The following ITGB1 variants were observed in gnomAD, a reference collection of about 807,000 sequenced individuals.
The protein encoded by ITGB1 is integrin subunit beta 1.
A neutral mutation model predicts 86.5 loss-of-function variants in ITGB1; 24 were observed. The observed-to-expected ratio is 0.28, with a 90% confidence interval of 0.20 to 0.39. The LOEUF is 0.39. Among genes scored for constraint, ITGB1 ranks in the 10% least tolerant of loss-of-function variants. ITGB1 has a pLI of 1.00. For missense variants in ITGB1, 556 were observed against 946.9 expected, an observed-to-expected ratio of 0.59 and a Z score of 5.42; for synonymous variants, 323 against 316.8, an observed-to-expected ratio of 1.02 and a Z score of -0.21.
At chr10:32,918,704 C>T (rs998804353) in intron 11 of ITGB1, among the ~76,000 whole-genome samples, 2 of 152,032 alleles carry the variant, frequency 1.3e-5, no homozygotes, top group Admixed American at 6.6e-5. Flanking sequence ...TTAAAGAGCA[C>T]GTTAGTTACA....
Position 32,928,742 on chromosome 10 carries a change from A to ATTATTAT in ITGB1, c.377-485_377-479dup, listed in dbSNP as rs992021441. 2.7e-5 allele frequency among the ~76,000 whole-genome samples: 4 copies of ATTATTAT among 150,626 alleles called. 1 individual carries two copies. In the South Asian group the frequency reaches 8.3e-4, roughly 31 times the overall value. The stretch of plus-strand genomic sequence containing the variant: ...CAGCTTTAAAAATAATTATTTATTT[A>ATTATTAT]TTATTATTTATTATTTATTATTTTA... On this transcript the variant is annotated intron_variant, in intron 4 of 15. Coordinates refer to ENST00000302278, the MANE Select transcript of ITGB1 (RefSeq NM_002211.4).
intron 15 of ITGB1, among the ~76,000 whole-genome samples, chr10:32,907,633 C>T (rs1156976842): frequency 6.6e-6 from 1 of 152,068 alleles, no homozygotes; most frequent in East Asian, 1.9e-4. Flanking sequence ...TCAACACTTT[C>T]CCCCATTCCA....
intron 1 of ITGB1, chr10:32,951,803 T>C (rs528198508): frequency 6.6e-6 from 1 of 152,332 alleles, no homozygotes; most frequent in African/African-American, 2.4e-5. Context: ...TTGAGAAAGT[T>C]TACTTTGGGG....
chr10:32,919,520 C>T (rs1244249549), intron 11 of ITGB1, among the ~76,000 whole-genome samples: 2 of 152,280 alleles, frequency 1.3e-5, no homozygotes, highest in East Asian at 3.9e-4. Flanking sequence ...TCGCCATCAT[C>T]GGTTTGATGT....
At position 32,908,994 on chromosome 10, in the gene ITGB1, C is replaced by T. The variant is rs531687577; in HGVS notation, c.2165-460G>A. On this transcript the variant is annotated intron_variant, in intron 14 of 15. Coordinates refer to ENST00000302278, the MANE Select transcript of ITGB1 (RefSeq NM_002211.4). ...GATCTATAAACTCAATGGTATCCCA[C>T]TCAAACTCCTGGCAGAACTTCTGTA... Among the ~76,000 whole-genome samples the T allele has an allele frequency of 1.6e-4, 24 of 152,304 alleles. 1 individual carries two copies. In the South Asian group the frequency reaches 5.0e-3, roughly 32 times the overall value.
chr10:32,944,922 C>G (rs1168664180), intron 1 of ITGB1: 1 of 1,330,620 alleles, frequency 7.5e-7, no homozygotes, highest in South Asian at 1.2e-5. Context: ...GAAGCCCAAA[C>G]AAAGCCAGTC....
chr10:32,938,233 G>A (rs1009376920), intron 1 of ITGB1, among the ~76,000 whole-genome samples: 5 of 152,166 alleles, frequency 3.3e-5, no homozygotes, highest in East Asian at 3.8e-4. Flanking sequence ...ATGTTATCAC[G>A]ATTCCAAAGC....
chr10:32,910,822 T>C (rs797022249), intron 13 of ITGB1, among the ~76,000 whole-genome samples: 5 of 152,256 alleles, frequency 3.3e-5, no homozygotes, highest in African/African-American at 1.2e-4. Context: ...CTTGGCTCAC[T>C]GTAACCTCTG....
chr10:32,910,930 G>A (rs1032938603), intron 13 of ITGB1, among the ~76,000 whole-genome samples: 1 of 151,872 alleles, frequency 6.6e-6, no homozygotes, highest in Admixed American at 6.6e-5. Context: ...GTAGAGATGG[G>A]GTTTCACCAC....
At chr10:32,926,226 A>T (rs2094964046) in intron 5 of ITGB1, 117 bp from the exon 6 acceptor site, 2 of 761,948 alleles carry the variant, frequency 2.6e-6, no homozygotes, top group Non-Finnish European at 4.3e-6. Flanking sequence ...TATGGACTGA[A>T]TGTCTGTGTT....
chr10:32,946,725 C>A (rs1454929156), intron 1 of ITGB1, among the ~76,000 whole-genome samples: 3 of 113,136 alleles, frequency 2.7e-5, no homozygotes, highest in Admixed American at 1.4e-4. Flanking sequence ...ACACAAGTGC[C>A]AATAAGTGGT....
intron 1 of ITGB1, among the ~76,000 whole-genome samples, chr10:32,941,759 G>A (rs1165244232): frequency 4.6e-5 from 7 of 152,118 alleles, no homozygotes; most frequent in Non-Finnish European, 8.8e-5. Flanking sequence ...ACAAGAAGAC[G>A]AACAAACAAT....
At position 32,920,281 on chromosome 10, in the gene ITGB1, A is replaced by G; in HGVS notation, c.1233T>C (p.Asn411=). ...CKNGVNGTGE[N]GRKCSNISIG... ...TGGAAATATTGGAACATTTTCTTCC[A>G]TTTTCCCCTGTTCCATTCACCCCGT... Residue 411 remains asparagine (N), a synonymous_variant, in exon 10 of 16, where the codon AAT becomes AAC. Coordinates refer to ENST00000302278, the MANE Select transcript of ITGB1 (RefSeq NM_002211.4). The G allele has an allele frequency of 6.2e-7, 1 of 1,613,566 alleles. No individual in the cohort carries two copies. The highest frequency in any genetic ancestry group is 1.1e-5 in the South Asian group (1 of 91,056).
intron 15 of ITGB1, among the ~76,000 whole-genome samples, chr10:32,907,577 C>T (rs1330849820): frequency 6.6e-6 from 1 of 152,098 alleles, no homozygotes; most frequent in Admixed American, 6.5e-5. Flanking sequence ...TAAATCCACC[C>T]ACAATCAAGA....
chr10:32,903,898 T>A (rs2094889261), intron 15 of ITGB1, among the ~76,000 whole-genome samples: 1 of 151,956 alleles, frequency 6.6e-6, no homozygotes, highest in Admixed American at 6.6e-5. Flanking sequence ...TGCTACACAT[T>A]CCTTCAAATA....
chr10:32,914,681 T>C (rs751093158), intron 11 of ITGB1, among the ~76,000 whole-genome samples: 37 of 152,198 alleles, frequency 2.4e-4, no homozygotes, highest in Admixed American at 5.2e-4. Context: ...CTGAGAGACC[T>C]AGAAAGAGAC....
intron 11 of ITGB1, 90 bp from the exon 12 acceptor site, chr10:32,912,214 A>G: frequency 9.9e-7 from 1 of 1,005,350 alleles, no homozygotes; most frequent in Non-Finnish European, 1.5e-6. Flanking sequence ...TCTAGTCTAC[A>G]GCTCCCAGCG....
At chr10:32,933,456 T>C (rs1362992215) in intron 2 of ITGB1, 5 of 152,220 alleles carry the variant, frequency 3.3e-5, no homozygotes, top group Non-Finnish European at 7.3e-5. Flanking sequence ...ATGTTCAAAG[T>C]ATGTTTTAGG....
chr10:32,914,516 T>C (rs2094925390), intron 11 of ITGB1, among the ~76,000 whole-genome samples: 1 of 152,144 alleles, frequency 6.6e-6, no homozygotes, highest in Non-Finnish European at 1.5e-5. Flanking sequence ...GTTGCAAACC[T>C]AGTCTCTGAA....
Sources: allele counts gnomAD v4.1 joint callset (sites outside exome capture counted in the v4.1 genomes callset), GRCh38; gene constraint gnomAD v4.1.1; transcripts MANE v1.5; gene names NCBI Gene and HGNC (gene_info 2026-07-23, HGNC 2026-07-21).